CHST8: variants seen among roughly 807,000 people sequenced by gnomAD.
CHST8 encodes GALNAC-4-ST1.
In CHST8, 10 loss-of-function variants were observed where a neutral mutation model predicts 15.0. The ratio of observed to expected loss-of-function variants is 0.67; its 90% CI spans 0.41 to 1.13. The LOEUF (loss-of-function observed/expected upper bound fraction) is 1.13, where lower values mean the gene tolerates loss of function less well. CHST8 is among the 50% of genes most tolerant of loss of function. The probability of loss-of-function intolerance (pLI) is 0.00; values close to 1 mark genes in which losing one functional copy is unlikely to be tolerated. For synonymous variants in CHST8, 259 were observed against 256.6 expected (o/e 1.01, Z -0.09); for missense variants, 634 against 608.2 (o/e 1.04, Z -0.45).
intron 1 of CHST8, among the ~76,000 whole-genome samples, chr19:33,657,687 G>A (rs1388070314): frequency 6.6e-6 from 1 of 151,936 alleles, no homozygotes; most frequent in Non-Finnish European, 1.5e-5. Flanking sequence ...TCTCACAGCA[G>A]CCTCTCAAAT....
At chr19:33,627,097 T>TGG (rs1972063701) in intron 1 of CHST8, among the ~76,000 whole-genome samples, 24 of 33,502 alleles carry the variant, frequency 7.2e-4, no homozygotes, top group African/African-American at 2.2e-3. Context: ...TCCTCTTTTT[T>TGG]TGGGGGGGGG....
chr19:33,669,895 CT>C (rs371269908), intron 2 of CHST8, among the ~76,000 whole-genome samples: 38 of 152,316 alleles, frequency 2.5e-4, no homozygotes, highest in African/African-American at 8.4e-4. Context: ...GCTTTGGTGA[CT>C]AACTATAGAA....
At chr19:33,724,432 G>T (rs1484721123) in intron 3 of CHST8, among the ~76,000 whole-genome samples, 1 of 152,218 alleles carries the variant, frequency 6.6e-6, no homozygotes, top group East Asian at 1.9e-4. Flanking sequence ...CCCCCATCCG[G>T]GCTCAGCCAA....
chr19:33,642,628 G>T (rs148442244), intron 1 of CHST8, among the ~76,000 whole-genome samples: 1,669 of 152,278 alleles, frequency 0.011, 37 homozygotes, highest in African/African-American at 0.037. Flanking sequence ...CTCCCAAAGT[G>T]CTGGGATTAC....
intron 1 of CHST8, among the ~76,000 whole-genome samples, chr19:33,640,258 C>A (rs957513602): frequency 4.9e-4 from 75 of 152,210 alleles, no homozygotes; most frequent in African/African-American, 1.8e-3. Flanking sequence ...CCACAAGGAA[C>A]TGGGCCAGAG....
At chr19:33,757,406 G>C (rs1157125036) in intron 3 of CHST8, among the ~76,000 whole-genome samples, 1 of 5,358 alleles carries the variant, frequency 1.9e-4, no homozygotes, top group East Asian at 5.7e-3. Context: ...AAGAAAGAAA[G>C]AAAGAAAGAA....
intron 2 of CHST8, among the ~76,000 whole-genome samples, chr19:33,686,995 T>C (rs1972992663): frequency 6.6e-6 from 1 of 152,244 alleles, no homozygotes; most frequent in Non-Finnish European, 1.5e-5. Context: ...CTGAGAGCCA[T>C]GGCCCCCCTG....
intron 3 of CHST8, among the ~76,000 whole-genome samples, chr19:33,746,117 G>A (rs909865441): frequency 3.3e-5 from 5 of 152,138 alleles, no homozygotes; most frequent in African/African-American, 1.2e-4. Flanking sequence ...TTGCCATTTG[G>A]TGTTACTGAG....
At chr19:33,676,921 A>T (rs1221994604) in intron 2 of CHST8, among the ~76,000 whole-genome samples, 1 of 152,092 alleles carries the variant, frequency 6.6e-6, no homozygotes, top group Non-Finnish European at 1.5e-5. Flanking sequence ...TCCAAATAGG[A>T]AGATCTGAAG....
intron 1 of CHST8, among the ~76,000 whole-genome samples, chr19:33,622,849 C>T (rs1202978041): frequency 2.0e-5 from 3 of 152,078 alleles, no homozygotes; most frequent in Non-Finnish European, 1.5e-5. Context: ...CCTGTGAGTG[C>T]TGGAGGCGAG....
At chr19:33,750,813 G>A (rs1974402694) in intron 3 of CHST8, among the ~76,000 whole-genome samples, 1 of 152,040 alleles carries the variant, frequency 6.6e-6, no homozygotes, top group Non-Finnish European at 1.5e-5. Flanking sequence ...CTCCTGGCTG[G>A]GGCATCTGAT....
intron 2 of CHST8, among the ~76,000 whole-genome samples, chr19:33,681,516 A>G (rs16968376): frequency 0.23 from 35,235 of 152,172 alleles, 4,561 homozygotes; most frequent in African/African-American, 0.33. Flanking sequence ...TCATGGGACC[A>G]ACCCAGTTCC....
At chr19:33,690,837 C>T (rs187929557) in intron 3 of CHST8, among the ~76,000 whole-genome samples, 149 of 152,316 alleles carry the variant, frequency 9.8e-4, no homozygotes, top group African/African-American at 3.5e-3. Context: ...GGGCAGACAG[C>T]GAGCTGGTAC....
intron 3 of CHST8, among the ~76,000 whole-genome samples, chr19:33,755,601 T>C (rs1021937898): frequency 6.6e-6 from 1 of 152,198 alleles, no homozygotes; most frequent in Admixed American, 6.5e-5. Flanking sequence ...GCCAGGCTTG[T>C]TTGTTTCCCG....
At chr19:33,675,886 G>T (rs1270055408) in intron 2 of CHST8, among the ~76,000 whole-genome samples, 3 of 152,212 alleles carry the variant, frequency 2.0e-5, no homozygotes, top group Non-Finnish European at 4.4e-5. Flanking sequence ...TCTCATCCAG[G>T]GGTCACGTGC....
rs75985160 is a variant in CHST8, at chr19:33,737,020, C to T, written c.131-34393C>T. On this transcript the variant is annotated intron_variant, in intron 3 of 4. Transcript: ENST00000650847. Reference sequence around the variant, plus strand: ...ATTAGCATGCTAAAAGACATACCCACCAGCACCATGACAGTTTACAGATGC... The same window carrying T: ...ATTAGCATGCTAAAAGACATACCCATCAGCACCATGACAGTTTACAGATGC... Among the ~76,000 whole-genome samples the T allele has an allele frequency of 5.8e-3, 886 of 152,280 alleles. 6 individuals are homozygous for T. Among genetic ancestry groups the T allele is most frequent in the Non-Finnish European group, 9.9e-3 (674 of 68,020 alleles).
chr19:33,723,177 T>TTGTG (rs1315796793), intron 3 of CHST8, among the ~76,000 whole-genome samples: 1 of 152,140 alleles, frequency 6.6e-6, no homozygotes, highest in Admixed American at 6.5e-5. Flanking sequence ...GATTGGATCT[T>TTGTG]TGTGTGTGCG....
intron 2 of CHST8, among the ~76,000 whole-genome samples, chr19:33,675,168 A>C (rs1451135995): frequency 6.6e-6 from 1 of 152,074 alleles, no homozygotes; most frequent in Non-Finnish European, 1.5e-5. Flanking sequence ...AGCTGACCCC[A>C]GGGCAGTTTC....
intron 2 of CHST8, among the ~76,000 whole-genome samples, chr19:33,688,226 T>C (rs891406029): frequency 6.6e-6 from 1 of 152,224 alleles, no homozygotes; most frequent in Non-Finnish European, 1.5e-5. Flanking sequence ...GCAAATGGCC[T>C]TGGGGTGCCC....
Sources: allele counts gnomAD v4.1 joint callset (sites outside exome capture counted in the v4.1 genomes callset), GRCh38; gene constraint gnomAD v4.1.1; transcripts MANE v1.5; gene names NCBI Gene and HGNC (gene_info 2026-07-23, HGNC 2026-07-21).